The following MUC20 variants were observed in gnomAD, a reference collection of about 807,000 sequenced individuals.
MUC20 encodes the protein mucin-20.
In MUC20, 14 loss-of-function variants were observed where a neutral mutation model predicts 23.8. That is an observed-to-expected ratio of 0.59 (90% CI 0.39 to 0.92). The LOEUF is 0.92. Among genes scored for constraint, MUC20 ranks in the 40% least tolerant of loss-of-function variants. The pLI is 0.00. For synonymous variants in MUC20, 166 were observed against 279.3 expected (o/e 0.59, Z 4.04); for missense variants, 375 against 668.8 (o/e 0.56, Z 4.85).
intron 3 of MUC20, among the ~76,000 whole-genome samples, chr3:195,730,287 C>A (rs1381680059): frequency 6.6e-6 from 1 of 152,260 alleles, no homozygotes; most frequent in Non-Finnish European, 1.5e-5. Flanking sequence ...GCCTTGTTAG[C>A]CATAGATTCA....
rs1209904101 is a variant in MUC20 at position 195,725,770 on chromosome 3, C to T, written c.1167C>T (p.Ser389=). The T allele has an allele frequency of 6.6e-7, 1 of 1,503,826 alleles. No homozygotes were observed. Among genetic ancestry groups the T allele is most frequent in the Non-Finnish European group, 9.1e-7 (1 of 1,095,380 alleles). The allele number at this position is 1,503,826 out of a possible 1,614,324, so 93.2% of individuals were successfully genotyped here. The stretch of plus-strand genomic sequence containing the variant: ...GGGCCTCAGAGAGCAGCGCCTCTTC[C>T]GACGGCCCCCATCCAGTCATCACCC... ...PSRASESSAS[S]DGPHPVITPS... Residue 389 remains serine (S), a synonymous_variant, in exon 2 of 4, where the codon TCC becomes TCT. Coordinates refer to ENST00000447234, the MANE Select transcript of MUC20 (RefSeq NM_001282506.2).
chr3:195,723,604 G>A (rs140141034), intron 1 of MUC20, among the ~76,000 whole-genome samples: 13,940 of 67,554 alleles, frequency 0.21, 49 homozygotes, highest in Non-Finnish European at 0.24. Flanking sequence ...GTTATTCGTC[G>A]TTTATCTGAA....
intron 3 of MUC20, among the ~76,000 whole-genome samples, chr3:195,730,791 G>A (rs367755405): frequency 3.9e-4 from 60 of 152,340 alleles, no homozygotes; most frequent in Admixed American, 1.2e-3. Context: ...AGAAAAAACC[G>A]CAGAGATGTA....
At chr3:195,727,580 C>T (rs1417545559) in intron 2 of MUC20, among the ~76,000 whole-genome samples, 1 of 152,292 alleles carries the variant, frequency 6.6e-6, no homozygotes, top group South Asian at 2.1e-4. Flanking sequence ...CAGCTTGTTA[C>T]CACCTTTCTG....
chr3:195,726,282 T>C lies in MUC20; in HGVS notation c.1679T>C (p.Val560Ala). The C allele has an allele frequency of 1.1e-5, 17 of 1,614,030 alleles. No individual in the cohort carries two copies. The highest frequency in any genetic ancestry group is 1.4e-5 in the Non-Finnish European group (17 of 1,179,888). The change falls in exon 2 of 4, where the codon GTG (valine) becomes GCG (alanine). Residue 560 changes from valine (V) to alanine (A), a missense_variant. Around this residue, in one of 4 missense-constraint regions of MUC20, gnomAD observed 343 missense variants for 340.2 expected, o/e 1.01. Transcript: ENST00000447234. ...GTCTCCATAGAGGCTGGGTCAGCAG[T>C]GGGCAAAACAACTTCCTTTGCTGGG... ...APVSIEAGSA[V>A]GKTTSFAGSS...
At chr3:195,728,914 C>A (rs1713052167) in intron 2 of MUC20, among the ~76,000 whole-genome samples, 1 of 152,244 alleles carries the variant, frequency 6.6e-6, no homozygotes, top group Non-Finnish European at 1.5e-5. Flanking sequence ...AGCCCTAGAT[C>A]CCTTAAACCT....
At chr3:195,732,690 C>T (rs1713521584) in intron 3 of MUC20, among the ~76,000 whole-genome samples, 1 of 152,228 alleles carries the variant, frequency 6.6e-6, no homozygotes, top group African/African-American at 2.4e-5. Flanking sequence ...CAGGTCTAAG[C>T]CCCCAAACCA....
chr3:195,729,333 T>C (rs1411791107), intron 2 of MUC20: 1 of 246,208 alleles, frequency 4.1e-6, no homozygotes, highest in Non-Finnish European at 7.7e-6. Context: ...TTTTTTTTTT[T>C]TTGAGACAGT....
chr3:195,722,245 AG>A (rs1302239295), intron 1 of MUC20: 1 of 980,354 alleles, frequency 1.0e-6, no homozygotes, highest in Non-Finnish European at 1.2e-6. Context: ...TTTAAGGGTG[AG>A]GCCACTGTGC....
In MUC20 at chr3:195,721,343, T is replaced by C. The variant is rs1712074279; in HGVS notation, c.76+260T>C. 5.3e-5 allele frequency among the ~76,000 whole-genome samples: 8 copies of C among 152,228 alleles called. No homozygotes were observed. The South Asian group carries it at 1.7e-3, about 32-fold the overall frequency. The stretch of plus-strand genomic sequence containing the variant: ...AGTGTAAGCGTGCCTGGCGCTGCAG[T>C]ACACGCTAATCAACCATGACGCTGC... On this transcript the variant is annotated intron_variant, in intron 1 of 3. Transcript: ENST00000447234.
chr3:195,733,162 C>G lies in MUC20; in HGVS notation c.2074C>G (p.Leu692Val). The G allele has an allele frequency of 1.3e-6, 2 of 1,592,604 alleles. No individual in the cohort carries two copies. The highest frequency in any genetic ancestry group is 8.5e-7 in the Non-Finnish European group (1 of 1,170,528). ...ERLMQQLHRE[L>V]HAHAPHFQVS... ...TTTTGCTCTCCAGCTCCACCGGGAACTCCACGCCCACGCGCCTCACTTCCA... is the reference window on the plus strand; with the variant it reads ...TTTTGCTCTCCAGCTCCACCGGGAAGTCCACGCCCACGCGCCTCACTTCCA... Residue 692 changes from leucine (L) to valine (V), a missense_variant, in exon 4 of 4, where the codon CTC becomes GTC. Around this residue, in one of 4 missense-constraint regions of MUC20, gnomAD observed 343 missense variants for 340.2 expected, o/e 1.01. Transcript: ENST00000447234.
chr3:195,726,547 G>T lies in MUC20; in HGVS notation c.1944G>T (p.Thr648=), dbSNP rs376392875. Residue 648 remains threonine (T), a synonymous_variant, in exon 2 of 4, where the codon ACG becomes ACT. Transcript: ENST00000447234. ...PPTATPTTAR[T]RPTTDVSAGE... is the part of the protein sequence containing the mutation. Reference sequence around the variant, plus strand: ...CAGCCACGCCCACGACTGCCCGGACGAGGCCGACCACAGACGTGAGTGCAG... The same window carrying T: ...CAGCCACGCCCACGACTGCCCGGACTAGGCCGACCACAGACGTGAGTGCAG... The T allele has an allele frequency of 6.2e-7, 1 of 1,613,716 alleles. No homozygotes were observed. Among genetic ancestry groups the T allele is most frequent in the Non-Finnish European group, 8.5e-7 (1 of 1,179,696 alleles).
rs374448220 is a variant in MUC20, at chr3:195,726,598, C to T, written c.1969+26C>T. 12,206 of 1,590,574 alleles carry T rather than the reference C, an allele frequency of 7.7e-3. 118 individuals carry two copies. The African/African-American group carries it at 0.14, about 18-fold the overall frequency. ...GTAAGTGGCTCCTGCTGGTGATCTT[C>T]GGGGATTTGGGATGCGGAGTTTCCA... On this transcript the variant is annotated intron_variant, in intron 2 of 3. Transcript: ENST00000447234.
chr3:195,729,256 T>C (rs1713091000), intron 2 of MUC20: 1 of 223,786 alleles, frequency 4.5e-6, no homozygotes, highest in Non-Finnish European at 8.9e-6. Flanking sequence ...TTGTGTGTAA[T>C]TTTCTGCACA....
intron 3 of MUC20, 124 bp from the exon 4 acceptor site, chr3:195,733,026 G>A: frequency 1.0e-6 from 1 of 986,098 alleles, no homozygotes; most frequent in Non-Finnish European, 1.6e-6. Context: ...CAGCATGTAG[G>A]AGGCCCAGGA....
intron 3 of MUC20, among the ~76,000 whole-genome samples, chr3:195,732,348 CT>C (rs1713482563): frequency 8.1e-6 from 1 of 124,132 alleles, no homozygotes; most frequent in African/African-American, 2.7e-5. Context: ...TTTTCTTTCT[CT>C]TTTTCTTTTC....
intron 1 of MUC20, chr3:195,722,740 A>T (rs1712265763): frequency 1.0e-6 from 1 of 957,750 alleles, no homozygotes; most frequent in African/African-American, 1.8e-5. Flanking sequence ...TGGACCAAGA[A>T]GGCTCAAAGA....
intron 3 of MUC20, 113 bp from the exon 4 acceptor site, chr3:195,733,037 A>T: frequency 8.8e-7 from 1 of 1,134,138 alleles, no homozygotes; most frequent in Non-Finnish European, 1.3e-6. Flanking sequence ...AGGCCCAGGA[A>T]GGGTTGCCGT....
rs770227077 is a variant in MUC20 at position 195,733,187 on chromosome 3, A to C, written c.2099A>C (p.Gln700Pro). 1 of 1,595,290 alleles carries C rather than the reference A, an allele frequency of 6.3e-7. No homozygotes were observed. The highest frequency in any genetic ancestry group is 1.3e-5 in the African/African-American group (1 of 74,614). ...RELHAHAPHF[Q>P]VSLLRVRRG ...CTCCACGCCCACGCGCCTCACTTCC[A>C]GGTCTCCTTACTGCGTGTCAGGAGA... Residue 700 changes from glutamine to proline, a missense_variant, in exon 4 of 4, where the codon CAG (glutamine) becomes CCG (proline). Gln to Pro is a moderately conservative substitution (Grantham distance 76). Around this residue, in one of 4 missense-constraint regions of MUC20, gnomAD observed 343 missense variants for 340.2 expected, o/e 1.01. Coordinates refer to ENST00000447234, the MANE Select transcript of MUC20 (RefSeq NM_001282506.2).
Sources: gnomAD v4.1 joint callset for allele counts (sites outside exome capture counted in the v4.1 genomes callset) on GRCh38, gnomAD v4.1.1 for gene constraint, gnomAD v4.1.1 regional missense constraint, MANE v1.5 for transcripts, NCBI Gene and HGNC (gene_info 2026-07-23, HGNC 2026-07-21) for gene names.